Variants in AZIN1 observed in about 807,000 individuals in gnomAD.
The protein encoded by AZIN1 is ornithine decarboxylase antizyme inhibitor.
A neutral mutation model predicts 47.4 loss-of-function variants in AZIN1; 12 were observed. The ratio of observed to expected loss-of-function variants is 0.25; its 90% CI spans 0.16 to 0.41. The LOEUF (loss-of-function observed/expected upper bound fraction) is 0.41, where lower values mean the gene tolerates loss of function less well. Among genes scored for constraint, AZIN1 ranks in the 10% least tolerant of loss-of-function variants. AZIN1 has a pLI of 1.00. For synonymous variants in AZIN1, 155 were observed against 176.3 expected (o/e 0.88, Z 0.96); for missense variants, 410 against 532.4 (o/e 0.77, Z 2.26).
intron 2 of AZIN1, among the ~76,000 whole-genome samples, chr8:102,848,360 A>C (rs1812717190): frequency 6.6e-6 from 1 of 151,322 alleles, no homozygotes; most frequent in South Asian, 2.1e-4. Context: ...ATTCCTCAAA[A>C]GAATCTGTAA....
chr8:102,862,447 T>C (rs150216759), intron 1 of AZIN1, among the ~76,000 whole-genome samples: 1 of 152,234 alleles, frequency 6.6e-6, no homozygotes, highest in South Asian at 2.1e-4. Flanking sequence ...ACCTCACTTA[T>C]CACCACCGAT....
At chr8:102,832,951 T>A in intron 9 of AZIN1, 105 bp downstream of exon 9, 5 of 1,081,906 alleles carry the variant, frequency 4.6e-6, no homozygotes, top group Non-Finnish European at 6.6e-6. Flanking sequence ...GTTTTAAGAT[T>A]TTTAAAAGCT....
chr8:102,856,795 T>C (rs899213611), intron 2 of AZIN1, among the ~76,000 whole-genome samples: 2 of 152,208 alleles, frequency 1.3e-5, no homozygotes, highest in Non-Finnish European at 2.9e-5. Context: ...GGCAACTGAC[T>C]TAGTATTGAA....
intron 1 of AZIN1, among the ~76,000 whole-genome samples, chr8:102,859,493 A>C (rs1449932849): frequency 6.6e-6 from 1 of 152,220 alleles, no homozygotes; most frequent in Non-Finnish European, 1.5e-5. Context: ...CCTCAGTGAG[A>C]ACCCTACAAC....
chr8:102,834,149 A>C (rs1811661327), intron 8 of AZIN1, 40 bp downstream of exon 8: 2 of 1,538,292 alleles, frequency 1.3e-6, no homozygotes, highest in Non-Finnish European at 1.8e-6. Context: ...GTAACAAAGA[A>C]AGCAATTATT....
At chr8:102,838,254 A>G (rs2131218762) in intron 5 of AZIN1, among the ~76,000 whole-genome samples, 1 of 152,342 alleles carries the variant, frequency 6.6e-6, no homozygotes, top group East Asian at 1.9e-4. Flanking sequence ...GTTCAAAAAT[A>G]AAAGTATTAG....
In AZIN1 at chr8:102,830,145, T is replaced by TAA. The variant is rs1811344325; in HGVS notation, c.905-210_905-209insTT. Reference sequence around the variant, plus strand: ...TCATACCTGTAATCCTAGCACTTTGTGAGGCTGAGGTGGGAGGATCACTTG... The same window carrying TAA: ...TCATACCTGTAATCCTAGCACTTTGTAAGAGGCTGAGGTGGGAGGATCACTTG... On this transcript the variant is annotated intron_variant, in intron 9 of 11. Transcript: ENST00000337198. 5 of 400,064 alleles carry TAA rather than the reference T, an allele frequency of 1.2e-5. No individual in the cohort carries two copies. In the East Asian group the frequency reaches 2.4e-4, roughly 20 times the overall value. 24.8% of individuals were successfully genotyped at this position (400,064 alleles called of 1,614,324 possible).
chr8:102,863,536 C>T (rs1813894098), intron 1 of AZIN1, among the ~76,000 whole-genome samples: 1 of 151,500 alleles, frequency 6.6e-6, no homozygotes, highest in African/African-American at 2.4e-5. Flanking sequence ...CCCACTGGCA[C>T]ACGCCCCCTC....
At position 102,839,809 on chromosome 8, in the gene AZIN1, T is replaced by A. The variant is rs753580470; in HGVS notation, c.117A>T (p.Ala39=). ...TCTTTCCAAGATCTCCCACAAAAAA[T>A]GCATTTTTCCCTGTCTATTATGGTT... ...VYEHTLTGKN[A]FFVGDLGKIV... is the part of the protein sequence containing the mutation. The change falls in exon 4 of 12, where the codon GCA becomes GCT. Residue 39 remains alanine (A), a synonymous_variant. Transcript: ENST00000337198. 1.9e-6 allele frequency: 3 copies of A among 1,597,042 alleles called. No individual in the cohort carries two copies. Among genetic ancestry groups the A allele is most frequent in the Non-Finnish European group, 2.6e-6 (3 of 1,173,274 alleles).
intron 1 of AZIN1, among the ~76,000 whole-genome samples, chr8:102,859,938 A>G (rs534519168): frequency 6.6e-6 from 1 of 152,346 alleles, no homozygotes; most frequent in Non-Finnish European, 1.5e-5. Context: ...TGAGCCCAGG[A>G]ATTTGAGTCC....
At chr8:102,836,883 A>G (rs75905931) in intron 5 of AZIN1, among the ~76,000 whole-genome samples, 15,984 of 152,226 alleles carry the variant, frequency 0.11, 1,163 homozygotes, top group Admixed American at 0.22. Flanking sequence ...ACTGGAAAAA[A>G]ATAGGAAGCA....
At position 102,864,031 on chromosome 8, in the gene AZIN1, G is replaced by A. The variant is rs1483168427; in HGVS notation, c.-458C>T. ...AGCGCAGGCAAAAGAAGAAAGGCGC[G>A]GGCTGGGTGGGAAGAGGATTCGGAC... On this transcript the variant is annotated 5_prime_UTR_variant, in exon 1 of 12. Coordinates refer to ENST00000337198, the MANE Select transcript of AZIN1 (RefSeq NM_148174.4). The A allele has an allele frequency of 3.2e-5, 5 of 156,618 alleles. No individual in the cohort carries two copies. The highest frequency in any genetic ancestry group is 1.3e-4 in the Admixed American group (2 of 15,332). The allele number at this position is 156,618 out of a possible 1,614,324, so 9.7% of individuals were successfully genotyped here.
chr8:102,844,859 A>C (rs1030970031), intron 2 of AZIN1, among the ~76,000 whole-genome samples: 29 of 152,302 alleles, frequency 1.9e-4, no homozygotes, highest in Middle Eastern at 3.4e-3. Context: ...CAATGAAATA[A>C]ACCTGCCCAC....
intron 1 of AZIN1, among the ~76,000 whole-genome samples, chr8:102,859,559 G>T (rs1261860795): frequency 2.0e-5 from 3 of 146,812 alleles, no homozygotes; most frequent in Non-Finnish European, 4.6e-5. Flanking sequence ...AATTTGAAAG[G>T]CATTATTTAA....
chr8:102,836,462 G>T (rs1282001638), intron 5 of AZIN1, 72 bp from the exon 6 acceptor site: 1 of 1,499,956 alleles, frequency 6.7e-7, no homozygotes, highest in Non-Finnish European at 9.2e-7. Flanking sequence ...CCTGAAGATT[G>T]TAGGAAGTGT....
chr8:102,836,738 C>A (rs1811847712), intron 5 of AZIN1, among the ~76,000 whole-genome samples: 1 of 152,088 alleles, frequency 6.6e-6, no homozygotes, highest in Non-Finnish European at 1.5e-5. Flanking sequence ...AATAGCAATG[C>A]CATCATTGTC....
At chr8:102,831,427 AC>A (rs1173345688) in intron 9 of AZIN1, among the ~76,000 whole-genome samples, 1 of 151,752 alleles carries the variant, frequency 6.6e-6, no homozygotes, top group Admixed American at 6.6e-5. Context: ...ATGGAAAGAA[AC>A]CTGCCTGACA....
chr8:102,831,770 G>A (rs960882796), intron 9 of AZIN1, among the ~76,000 whole-genome samples: 10 of 151,528 alleles, frequency 6.6e-5, no homozygotes, highest in Admixed American at 3.3e-4. Context: ...TGAGAAACAC[G>A]ACGAAACCCT....
intron 2 of AZIN1, chr8:102,855,671 G>C (rs1813237598): frequency 6.6e-6 from 1 of 152,180 alleles, no homozygotes; most frequent in Non-Finnish European, 1.5e-5. Flanking sequence ...TACATGCTTT[G>C]CAATGCTATG....
Sources: gnomAD v4.1 joint callset for allele counts (sites outside exome capture counted in the v4.1 genomes callset) on GRCh38, gnomAD v4.1.1 for gene constraint, MANE v1.5 for transcripts, NCBI Gene and HGNC (gene_info 2026-07-23, HGNC 2026-07-21) for gene names.